Variants in NXPH1 observed in about 807,000 individuals in gnomAD.
NXPH1 encodes neurexophilin-1.
In NXPH1, 5 loss-of-function variants were observed where a neutral mutation model predicts 23.7. The observed-to-expected ratio is 0.21, with a 90% CI of 0.11 to 0.44. The LOEUF is 0.44. Among genes scored for constraint, NXPH1 ranks in the 20% least tolerant of loss-of-function variants. The pLI, the probability that NXPH1 is intolerant of heterozygous loss-of-function variation, is 0.99. For missense variants in NXPH1, 324 were observed against 321.6 expected (o/e 1.01, Z -0.06); for synonymous variants, 144 against 122.2 (o/e 1.18, Z -1.18).
intron 2 of NXPH1, among the ~76,000 whole-genome samples, chr7:8,636,563 A>C (rs1216027961): frequency 6.6e-6 from 1 of 152,198 alleles, no homozygotes; most frequent in African/African-American, 2.4e-5. Flanking sequence ...AAATTGATTC[A>C]ATTCCAGTGG....
intron 2 of NXPH1, among the ~76,000 whole-genome samples, chr7:8,715,699 T>TG (rs1779865635): frequency 7.2e-5 from 11 of 152,128 alleles, no homozygotes; most frequent in Admixed American, 7.2e-4. Flanking sequence ...ACACACGGGT[T>TG]AGATAAGAGT....
rs1419196621 is a variant in NXPH1, at chr7:8,718,497, C to T, written c.55-32511C>T. ...TAATTTATTCCCTGAAAGTTTAATCCCCTGTTGAAAAGAGTAGTTGCAAAT... is the reference window on the plus strand; with the variant it reads ...TAATTTATTCCCTGAAAGTTTAATCTCCTGTTGAAAAGAGTAGTTGCAAAT... On this transcript the variant is annotated intron_variant, in intron 2 of 2. Coordinates refer to ENST00000405863, the MANE Select transcript of NXPH1 (RefSeq NM_152745.3). Among the ~76,000 whole-genome samples the T allele has an allele frequency of 1.3e-5, 2 of 152,162 alleles. 1 individual carries two copies. Among genetic ancestry groups the T allele is most frequent in the South Asian group, 4.1e-4 (2 of 4,820 alleles).
intron 2 of NXPH1, among the ~76,000 whole-genome samples, chr7:8,447,493 C>G (rs1344776154): frequency 6.6e-6 from 1 of 152,134 alleles, no homozygotes; most frequent in Non-Finnish European, 1.5e-5. Flanking sequence ...ATGATGAGTG[C>G]CTGGTGTTAG....
Position 8,435,517 on chromosome 7 carries a change from C to A in NXPH1, c.-110-87C>A. The A allele has an allele frequency of 1.8e-6, 1 of 557,632 alleles. No homozygotes were observed. Among genetic ancestry groups the A allele is most frequent in the Non-Finnish European group, 3.2e-6 (1 of 311,472 alleles). 34.5% of individuals were successfully genotyped at this position (557,632 alleles called of 1,614,324 possible). On this transcript the variant is annotated intron_variant, in intron 1 of 2. Coordinates refer to ENST00000405863, the MANE Select transcript of NXPH1 (RefSeq NM_152745.3). This position sits in a 1 kb window ranked among gnomAD's most constrained non-coding sequence, Gnocchi z 5.9. Reference sequence around the variant, plus strand: ...TCCCTTTTTTTTTTGGTCCCCCACTCCCCGCTACGACCCCCTTTCCCCGCT... The same window carrying A: ...TCCCTTTTTTTTTTGGTCCCCCACTACCCGCTACGACCCCCTTTCCCCGCT...
At chr7:8,708,818 T>C (rs1394972276) in intron 2 of NXPH1, among the ~76,000 whole-genome samples, 1 of 152,204 alleles carries the variant, frequency 6.6e-6, no homozygotes, top group East Asian at 1.9e-4. Flanking sequence ...ATCCTTGATA[T>C]TCTCTATATC....
chr7:8,738,423 C>A (rs907579815), intron 2 of NXPH1, among the ~76,000 whole-genome samples: 3 of 152,298 alleles, frequency 2.0e-5, no homozygotes, highest in Admixed American at 6.5e-5. Flanking sequence ...CCACTCCAGA[C>A]CCTGTTTGGC....
Position 8,720,911 on chromosome 7 carries a change from T to C in NXPH1, c.55-30097T>C, listed in dbSNP as rs562010551. On this transcript the variant is annotated intron_variant, in intron 2 of 2. Coordinates refer to ENST00000405863, the MANE Select transcript of NXPH1 (RefSeq NM_152745.3). Reference sequence around the variant, plus strand: ...GGACATTTTACCGATTAATAGCCTATGCTGTTCAAAAATGTAAAGAACCAG... The same window carrying C: ...GGACATTTTACCGATTAATAGCCTACGCTGTTCAAAAATGTAAAGAACCAG... Among the ~76,000 whole-genome samples the C allele has an allele frequency of 2.6e-5, 4 of 152,320 alleles. No homozygotes were observed. In the East Asian group the frequency reaches 7.7e-4, roughly 29 times the overall value.
chr7:8,626,314 C>T (rs1053384046), intron 2 of NXPH1, among the ~76,000 whole-genome samples: 4 of 151,726 alleles, frequency 2.6e-5, no homozygotes, highest in African/African-American at 9.7e-5. Context: ...TTCCAAACTG[C>T]AACTTTGTTG....
intron 2 of NXPH1, among the ~76,000 whole-genome samples, chr7:8,644,848 G>A (rs575144160): frequency 6.0e-4 from 92 of 152,126 alleles, no homozygotes; most frequent in African/African-American, 2.0e-3. Flanking sequence ...TCATTCCTTT[G>A]CTTTTAGTAA....
At chr7:8,572,863 A>C (rs1214353991) in intron 2 of NXPH1, among the ~76,000 whole-genome samples, 2 of 152,022 alleles carry the variant, frequency 1.3e-5, no homozygotes, top group Non-Finnish European at 2.9e-5. Flanking sequence ...ACTTCCATCA[A>C]GGGTCATTTG....
chr7:8,634,445 A>T (rs1434198598), intron 2 of NXPH1, among the ~76,000 whole-genome samples: 2 of 152,038 alleles, frequency 1.3e-5, no homozygotes, highest in Non-Finnish European at 2.9e-5. Flanking sequence ...TTACTTTGTA[A>T]ATTACCTAGT....
At chr7:8,677,811 T>C (rs1015303525) in intron 2 of NXPH1, among the ~76,000 whole-genome samples, 1 of 112,112 alleles carries the variant, frequency 8.9e-6, no homozygotes, top group Admixed American at 1.0e-4. Flanking sequence ...AGGTTATAAA[T>C]TGAAGTTTAT....
chr7:8,473,222 T>C (rs1436511996), intron 2 of NXPH1, among the ~76,000 whole-genome samples: 1 of 152,180 alleles, frequency 6.6e-6, no homozygotes, highest in Non-Finnish European at 1.5e-5. Flanking sequence ...CCTAGGACTA[T>C]ACATGCTTTA....
At chr7:8,499,569 G>C (rs899503847) in intron 2 of NXPH1, among the ~76,000 whole-genome samples, 1 of 152,060 alleles carries the variant, frequency 6.6e-6, no homozygotes, top group Non-Finnish European at 1.5e-5. Flanking sequence ...GCAAAAATAA[G>C]GGTACAAGTA....
At position 8,564,510 on chromosome 7, in the gene NXPH1, C is replaced by A. The variant is rs1818506310; in HGVS notation, c.54+128743C>A. On this transcript the variant is annotated intron_variant, in intron 2 of 2. Coordinates refer to ENST00000405863, the MANE Select transcript of NXPH1 (RefSeq NM_152745.3). ...CATCTGGAAGGAAAGTTGGCAACAC[C>A]TAGTTGAAAGCATATCTCAAACTGA... 2.0e-5 allele frequency among the ~76,000 whole-genome samples: 3 copies of A among 151,644 alleles called. No individual in the cohort carries two copies. In the South Asian group the frequency reaches 6.2e-4, roughly 31 times the overall value.
At chr7:8,656,670 T>C (rs1017615731) in intron 2 of NXPH1, among the ~76,000 whole-genome samples, 1 of 151,950 alleles carries the variant, frequency 6.6e-6, no homozygotes. Context: ...ATTAGGTATA[T>C]CTCCCAATGC....
At chr7:8,558,070 C>A (rs544093865) in intron 2 of NXPH1, among the ~76,000 whole-genome samples, 1 of 151,664 alleles carries the variant, frequency 6.6e-6, no homozygotes, top group East Asian at 2.0e-4. Context: ...TTCTGTCCTC[C>A]CTAATTTGAT....
intron 2 of NXPH1, among the ~76,000 whole-genome samples, chr7:8,683,331 C>G (rs1356399737): frequency 1.3e-5 from 2 of 152,164 alleles, no homozygotes; most frequent in East Asian, 3.8e-4. Context: ...CATTTCAATA[C>G]GAGATTTGGA....
At chr7:8,520,614 G>A (rs1584208065) in intron 2 of NXPH1, among the ~76,000 whole-genome samples, 1 of 152,166 alleles carries the variant, frequency 6.6e-6, no homozygotes, top group East Asian at 1.9e-4. Flanking sequence ...CTCTAAGCCT[G>A]CAACCTTGCA....
Sources: gnomAD v4.1 joint callset for allele counts (sites outside exome capture counted in the v4.1 genomes callset) on GRCh38, gnomAD v4.1.1 for gene constraint, Gnocchi (gnomAD v3.1) non-coding constraint, MANE v1.5 for transcripts, NCBI Gene and HGNC (gene_info 2026-07-23, HGNC 2026-07-21) for gene names.